Variants in GPHN observed in about 807,000 individuals in gnomAD.
GPHN encodes gephyrin.
A neutral mutation model predicts 95.5 loss-of-function variants in GPHN; 17 were observed. That is an observed-to-expected ratio of 0.18 (90% CI 0.12 to 0.27). The LOEUF (loss-of-function observed/expected upper bound fraction) is 0.27, where lower values mean the gene tolerates loss of function less well. GPHN is among the 10% of genes least tolerant of loss of function. The probability of loss-of-function intolerance (pLI) is 1.00; values close to 1 mark genes in which losing one functional copy is unlikely to be tolerated. For synonymous variants in GPHN, 320 were observed against 322.5 expected, an observed-to-expected ratio of 0.99 and a Z score of 0.08; for missense variants, 660 against 978.1, an observed-to-expected ratio of 0.67 and a Z score of 4.34.
At chr14:67,725,211 C>T in the GPHN span, 291 of 1,613,862 alleles carry the variant, frequency 1.8e-4, no homozygotes, top group Non-Finnish European at 2.3e-4. Flanking sequence ...TGGACCTATC[C>T]GACACCAAAT....
chr14:66,761,683 G>A lies in GPHN; in HGVS notation c.144-14781G>A, dbSNP rs1311800971. ...TCTTTTTTTTTTTTTTTTTTGAGATGGAGTCTCTTTCTGTGGCCCAGGCTG... is the reference window on the plus strand; with the variant it reads ...TCTTTTTTTTTTTTTTTTTTGAGATAGAGTCTCTTTCTGTGGCCCAGGCTG... On this transcript the variant is annotated intron_variant, in intron 2 of 22. Transcript: ENST00000478722. Among the ~76,000 whole-genome samples, 22 of 144,020 alleles carry A rather than the reference G, an allele frequency of 1.5e-4. No homozygotes were observed. In the South Asian group the frequency reaches 4.0e-3, roughly 26 times the overall value. The allele number at this position is 144,020 out of a possible 152,430, so 94.5% of individuals were successfully genotyped here.
At chr14:66,787,642 T>A (rs1205371643) in intron 3 of GPHN, among the ~76,000 whole-genome samples, 1 of 151,956 alleles carries the variant, frequency 6.6e-6, no homozygotes, top group Admixed American at 6.6e-5. Flanking sequence ...CATAAATCAA[T>A]GAAACAGAAT....
intron 2 of GPHN, among the ~76,000 whole-genome samples, chr14:66,682,464 A>G (rs566453237): frequency 1.3e-5 from 2 of 152,316 alleles, no homozygotes; most frequent in South Asian, 2.1e-4. Context: ...AATAAAATAA[A>G]TTACTGGCCA....
chr14:67,216,146 A>T, the GPHN span, among the ~76,000 whole-genome samples: 5 of 152,164 alleles, frequency 3.3e-5, no homozygotes, highest in African/African-American at 1.2e-4. Context: ...CAGTCAATGA[A>T]CACATATTAA....
chr14:66,879,933 T>C lies in GPHN; in HGVS notation c.295-6T>C. 1 of 1,589,450 alleles carries C rather than the reference T, an allele frequency of 6.3e-7. No individual in the cohort carries two copies. Among genetic ancestry groups the C allele is most frequent in the Non-Finnish European group, 8.6e-7 (1 of 1,157,984 alleles). On this transcript the variant is annotated splice_polypyrimidine_tract_variant and splice_region_variant and intron_variant, in intron 4 of 22. Coordinates refer to ENST00000478722, the MANE Select transcript of GPHN (RefSeq NM_020806.5). ...ACTCAGTCTGCTATTTAATCTTTAATTACAGGCCACAAAAGAAGTAATAGA... is the reference window on the plus strand; with the variant it reads ...ACTCAGTCTGCTATTTAATCTTTAACTACAGGCCACAAAAGAAGTAATAGA...
intron 8 of GPHN, among the ~76,000 whole-genome samples, chr14:66,932,449 T>A (rs113633997): frequency 1.0e-5 from 1 of 98,610 alleles, no homozygotes; most frequent in South Asian, 3.8e-4. Context: ...ACCAGGTTTT[T>A]TTTTTTTTTT....
At chr14:67,124,085 C>T (rs1335614656) in intron 17 of GPHN, among the ~76,000 whole-genome samples, 2 of 151,996 alleles carry the variant, frequency 1.3e-5, no homozygotes, top group East Asian at 3.9e-4. Context: ...AAATCTTCAC[C>T]ATTTGTATTT....
the GPHN span, chr14:67,385,141 C>G: frequency 1.1e-4 from 17 of 152,254 alleles, no homozygotes; most frequent in East Asian, 2.3e-3. Context: ...CAGTATTTCA[C>G]TGATACCACG....
rs566211137 is a variant in GPHN at position 67,058,588 on chromosome 14, A to G, written c.1007-61A>G. ...ATTGGGAGTTGTGATATTATAAGTC[A>G]TTGCCACTTTTTAATCAGTGTTACA... is the stretch of plus-strand genomic sequence containing the variant. On this transcript the variant is annotated intron_variant, in intron 10 of 22. Coordinates refer to ENST00000478722, the MANE Select transcript of GPHN (RefSeq NM_020806.5). The G allele has an allele frequency of 2.3e-4, 334 of 1,438,056 alleles. 1 individual carries two copies. The South Asian group carries it at 3.6e-3, about 15-fold the overall frequency. The allele number at this position is 1,438,056 out of a possible 1,614,324, so 89.1% of individuals were successfully genotyped here. A position where few individuals can be genotyped will look rare whatever the true frequency, so the allele number is the denominator to read the frequency against.
At chr14:66,712,053 A>G (rs910002013) in intron 2 of GPHN, among the ~76,000 whole-genome samples, 37 of 152,148 alleles carry the variant, frequency 2.4e-4, no homozygotes, top group Non-Finnish European at 8.8e-5. Context: ...ATAAACATAC[A>G]TGTGCATATG....
At chr14:67,489,499 A>G in the GPHN span, among the ~76,000 whole-genome samples, 2 of 152,164 alleles carry the variant, frequency 1.3e-5, no homozygotes, top group South Asian at 4.1e-4. Context: ...GTGAAGAAGC[A>G]GAGACCACCG....
intron 8 of GPHN, among the ~76,000 whole-genome samples, chr14:66,949,643 A>T (rs1268802130): frequency 6.6e-6 from 1 of 152,184 alleles, no homozygotes; most frequent in Non-Finnish European, 1.5e-5. Flanking sequence ...ACTCACTCTG[A>T]TTATTGTAAA....
At chr14:67,455,543 C>G in the GPHN span, among the ~76,000 whole-genome samples, 1 of 152,168 alleles carries the variant, frequency 6.6e-6, no homozygotes, top group African/African-American at 2.4e-5. Context: ...TAATTCTCAT[C>G]TCTCCTATGG....
intron 5 of GPHN, among the ~76,000 whole-genome samples, chr14:66,906,763 C>A (rs1038211282): frequency 3.3e-5 from 5 of 152,096 alleles, no homozygotes; most frequent in African/African-American, 1.2e-4. Context: ...GGTTTAGTTT[C>A]CAAGTGTATA....
chr14:67,612,470 G>T, the GPHN span, among the ~76,000 whole-genome samples: 1 of 152,152 alleles, frequency 6.6e-6, no homozygotes, highest in Non-Finnish European at 1.5e-5. Context: ...TCCGGTTCTG[G>T]TTGGCACCAG....
chr14:66,903,919 A>G (rs117328822), intron 5 of GPHN, among the ~76,000 whole-genome samples: 367 of 152,306 alleles, frequency 2.4e-3, no homozygotes, highest in Non-Finnish European at 3.0e-3. Flanking sequence ...CAGAAACTGA[A>G]AAAATGGGAA....
At chr14:67,468,120 T>C in the GPHN span, among the ~76,000 whole-genome samples, 2 of 152,144 alleles carry the variant, frequency 1.3e-5, no homozygotes, top group African/African-American at 4.8e-5. Flanking sequence ...ATTACAGGCA[T>C]ACGCTACCAC....
At chr14:67,605,871 C>T in the GPHN span, among the ~76,000 whole-genome samples, 758 of 152,002 alleles carry the variant, frequency 5.0e-3, 40 homozygotes, top group East Asian at 0.086. Context: ...GTAGTAGAGA[C>T]GAGGTTTTAC....
intron 3 of GPHN, among the ~76,000 whole-genome samples, chr14:66,802,564 C>T (rs1952613585): frequency 6.6e-6 from 1 of 152,162 alleles, no homozygotes; most frequent in Non-Finnish European, 1.5e-5. Context: ...TGGGAATGTG[C>T]AGAATCTCAC....
Sources: gnomAD v4.1 joint callset for allele counts (sites outside exome capture counted in the v4.1 genomes callset) on GRCh38, gnomAD v4.1.1 for gene constraint, MANE v1.5 for transcripts, NCBI Gene and HGNC (gene_info 2026-07-23, HGNC 2026-07-21) for gene names.